MAPK4: variants seen among roughly 807,000 people sequenced by gnomAD.
MAPK4 encodes Erk3-related.
In MAPK4, 22 loss-of-function variants were observed where a neutral mutation model predicts 47.7. The observed-to-expected ratio is 0.46, with a 90% CI of 0.33 to 0.66. MAPK4 has a LOEUF of 0.66. Ranked by LOEUF, MAPK4 falls within the 30% of genes least tolerant of loss-of-function variation. The probability of loss-of-function intolerance (pLI) is 0.02; values close to 1 mark genes in which losing one functional copy is unlikely to be tolerated. For missense variants in MAPK4, 736 were observed against 831.7 expected (o/e 0.88, Z 1.42); for synonymous variants, 390 against 365.7 (o/e 1.07, Z -0.76).
chr18:50,674,268 C>T (rs1184100548), intron 2 of MAPK4, among the ~76,000 whole-genome samples: 4 of 152,174 alleles, frequency 2.6e-5, no homozygotes, highest in East Asian at 1.9e-4. Context: ...TGGTTTATAT[C>T]GAAGAAGGAT....
intron 1 of MAPK4, among the ~76,000 whole-genome samples, chr18:50,656,962 C>T (rs966030225): frequency 6.6e-6 from 1 of 152,216 alleles, no homozygotes; most frequent in South Asian, 2.1e-4. Flanking sequence ...AACAGTCTCT[C>T]TTGGCAAGAA....
At chr18:50,614,289 A>G (rs1483771486) in intron 1 of MAPK4, among the ~76,000 whole-genome samples, 1 of 152,132 alleles carries the variant, frequency 6.6e-6, no homozygotes, top group Non-Finnish European at 1.5e-5. Context: ...TGTGTGTCAA[A>G]TTTGAATGAA....
chr18:50,648,120 A>AGAGAGG (rs1425079080), intron 1 of MAPK4, among the ~76,000 whole-genome samples: 1 of 151,972 alleles, frequency 6.6e-6, no homozygotes, highest in African/African-American at 2.4e-5. Flanking sequence ...AGAGAGAGAG[A>AGAGAGG]GAGAGAGAGT....
chr18:50,614,109 C>G (rs927689291), intron 1 of MAPK4, among the ~76,000 whole-genome samples: 2 of 152,070 alleles, frequency 1.3e-5, no homozygotes, highest in African/African-American at 4.8e-5. Context: ...GTTGGGTATT[C>G]TGCTAATGGA....
chr18:50,644,414 C>T (rs1309003618), intron 1 of MAPK4, among the ~76,000 whole-genome samples: 1 of 152,084 alleles, frequency 6.6e-6, no homozygotes, highest in Non-Finnish European at 1.5e-5. Flanking sequence ...GGGCCCCAAG[C>T]CTATTCAGTC....
intron 1 of MAPK4, among the ~76,000 whole-genome samples, chr18:50,590,447 A>G (rs960681763): frequency 2.0e-5 from 3 of 152,200 alleles, no homozygotes; most frequent in Non-Finnish European, 4.4e-5. Flanking sequence ...GTCCAGCAGG[A>G]GCTCAGCTGC....
intron 3 of MAPK4, among the ~76,000 whole-genome samples, 183 bp downstream of exon 3, chr18:50,715,406 A>G (rs980088724): frequency 1.1e-4 from 16 of 152,206 alleles, no homozygotes; most frequent in Admixed American, 9.8e-4. Flanking sequence ...TGGAGAGGCT[A>G]AAAAAATAGT....
chr18:50,681,247 A>G lies in MAPK4; in HGVS notation c.546+16743A>G, dbSNP rs114025588. Among the ~76,000 whole-genome samples the G allele has an allele frequency of 1.0e-2, 1,519 of 152,184 alleles. 29 individuals are homozygous for G. Among genetic ancestry groups the G allele is most frequent in the African/African-American group, 0.035 (1,447 of 41,500 alleles). On this transcript the variant is annotated intron_variant, in intron 2 of 5. Coordinates refer to ENST00000400384, the MANE Select transcript of MAPK4 (RefSeq NM_002747.4). ...TATTTAGACCCTTTGTTCATTTTTAATTGGGTTTTTAAAATTATTGAATTA... is the reference window on the plus strand; with the variant it reads ...TATTTAGACCCTTTGTTCATTTTTAGTTGGGTTTTTAAAATTATTGAATTA...
intron 5 of MAPK4, 61 bp from the exon 6 acceptor site, chr18:50,729,097 C>A: frequency 7.0e-7 from 1 of 1,419,964 alleles, no homozygotes; most frequent in Non-Finnish European, 9.6e-7. Context: ...GAGGGCTTGG[C>A]TCCCTCCCGG....
In MAPK4 at chr18:50,621,738, A is replaced by G. The variant is rs1598835404; in HGVS notation, c.-870-41351A>G. 3.9e-5 allele frequency among the ~76,000 whole-genome samples: 6 copies of G among 152,178 alleles called. 1 individual carries two copies. In the East Asian group the frequency reaches 1.2e-3, roughly 29 times the overall value. ...AGCAAAACTTTTTTCCAGAAATGAAACCTCCATTGTTGCTAGAGAGTTTGA... is the reference window on the plus strand; with the variant it reads ...AGCAAAACTTTTTTCCAGAAATGAAGCCTCCATTGTTGCTAGAGAGTTTGA... On this transcript the variant is annotated intron_variant, in intron 1 of 5. Coordinates refer to ENST00000400384, the MANE Select transcript of MAPK4 (RefSeq NM_002747.4).
chr18:50,715,083 A>G lies in MAPK4; in HGVS notation c.551A>G (p.Tyr184Cys), dbSNP rs762644192. The change falls in exon 3 of 6, where the codon TAT becomes TGT. Residue 184 changes from tyrosine (Y) to cysteine (C), a missense_variant. Transcript: ENST00000400384. The part of the protein sequence containing the change: ...IVDQHYSHKG[Y>C]LSEGLVTKWY... ...ACCAGAAATTTTGTCTTTCAGGGTTATCTGTCAGAAGGGTTGGTAACAAAG... is the reference window on the plus strand; with the variant it reads ...ACCAGAAATTTTGTCTTTCAGGGTTGTCTGTCAGAAGGGTTGGTAACAAAG... 6.2e-7 allele frequency: 1 copy of G among 1,613,640 alleles called. No individual in the cohort carries two copies. Among genetic ancestry groups the G allele is most frequent in the Non-Finnish European group, 8.5e-7 (1 of 1,179,904 alleles).
At position 50,606,991 on chromosome 18, in the gene MAPK4, C is replaced by T. The variant is rs182425662; in HGVS notation, c.-871+46748C>T. ...CTGTCAATGCATGTTGCACACATAG[C>T]GTGGTTAAGAAATAAACCTGGCAGT... On this transcript the variant is annotated intron_variant, in intron 1 of 5. Coordinates refer to ENST00000400384, the MANE Select transcript of MAPK4 (RefSeq NM_002747.4). Among the ~76,000 whole-genome samples the T allele has an allele frequency of 5.3e-5, 8 of 152,288 alleles. No homozygotes were observed. In the East Asian group the frequency reaches 5.8e-4, roughly 11 times the overall value.
At chr18:50,671,816 A>G (rs1473610581) in intron 2 of MAPK4, among the ~76,000 whole-genome samples, 1 of 151,642 alleles carries the variant, frequency 6.6e-6, no homozygotes, top group Non-Finnish European at 1.5e-5. Context: ...CTTGAGCCCA[A>G]GAGTTCAAGG....
chr18:50,711,927 C>T (rs1431893107), intron 2 of MAPK4, among the ~76,000 whole-genome samples: 1 of 151,906 alleles, frequency 6.6e-6, no homozygotes, highest in Admixed American at 6.6e-5. Flanking sequence ...TTGTGGGCCC[C>T]AGAGCCTCTC....
intron 1 of MAPK4, among the ~76,000 whole-genome samples, chr18:50,605,471 C>A (rs1220975364): frequency 6.6e-6 from 1 of 152,188 alleles, no homozygotes; most frequent in Non-Finnish European, 1.5e-5. Context: ...TAGGGCCCAA[C>A]AAAACCAGTC....
chr18:50,561,155 A>T (rs2042150091), intron 1 of MAPK4, among the ~76,000 whole-genome samples: 1 of 152,234 alleles, frequency 6.6e-6, no homozygotes. Flanking sequence ...GCGTCCCGAC[A>T]GAGCGCAGCG....
chr18:50,650,471 T>C (rs1041486354), intron 1 of MAPK4, among the ~76,000 whole-genome samples: 1 of 152,242 alleles, frequency 6.6e-6, no homozygotes, highest in African/African-American at 2.4e-5. Context: ...GGCATGAGAC[T>C]GTCCACTTTC....
intron 2 of MAPK4, among the ~76,000 whole-genome samples, chr18:50,670,985 A>G (rs1355257825): frequency 2.0e-5 from 3 of 152,246 alleles, no homozygotes; most frequent in African/African-American, 4.8e-5. Context: ...GGGATTGCTT[A>G]TCTCAGGACA....
At chr18:50,608,019 T>C (rs1440359373) in intron 1 of MAPK4, among the ~76,000 whole-genome samples, 2 of 152,242 alleles carry the variant, frequency 1.3e-5, no homozygotes, top group Non-Finnish European at 2.9e-5. Context: ...TTAATTTTTC[T>C]ATTTAGTATC....
Sources: allele counts gnomAD v4.1 joint callset (sites outside exome capture counted in the v4.1 genomes callset), GRCh38; gene constraint gnomAD v4.1.1; transcripts MANE v1.5; gene names NCBI Gene and HGNC (gene_info 2026-07-23, HGNC 2026-07-21).